The following HHAT variants were observed in gnomAD, a reference collection of about 807,000 sequenced individuals.
HHAT encodes hedgehog acyltransferase.
In HHAT, 47 loss-of-function variants were observed where a neutral mutation model predicts 70.8. The observed-to-expected ratio is 0.66, with a 90% confidence interval of 0.53 to 0.85. The LOEUF (loss-of-function observed/expected upper bound fraction) is 0.85, where lower values mean the gene tolerates loss of function less well. Ranked by LOEUF, HHAT falls within the 40% of genes least tolerant of loss-of-function variation. HHAT has a pLI of 0.00. For missense variants in HHAT, 609 were observed against 604.8 expected (o/e 1.01, Z -0.07); for synonymous variants, 228 against 247.6 (o/e 0.92, Z 0.74).
At chr1:210,615,732 G>A (rs1667562303) in intron 10 of HHAT, among the ~76,000 whole-genome samples, 1 of 152,270 alleles carries the variant, frequency 6.6e-6, no homozygotes, top group Non-Finnish European at 1.5e-5. Context: ...GGTATCAGCA[G>A]TGGAGGCTGC....
intron 8 of HHAT, among the ~76,000 whole-genome samples, chr1:210,470,233 G>C (rs1297593197): frequency 6.6e-6 from 1 of 152,152 alleles, no homozygotes; most frequent in Non-Finnish European, 1.5e-5. Context: ...GAAGAGGTGA[G>C]TGACAAAAGG....
chr1:210,650,384 C>T (rs1396660171), intron 11 of HHAT, among the ~76,000 whole-genome samples: 1 of 152,166 alleles, frequency 6.6e-6, no homozygotes, highest in African/African-American at 2.4e-5. Flanking sequence ...AAACTGGCCC[C>T]AACTGTGGAG....
intron 3 of HHAT, among the ~76,000 whole-genome samples, chr1:210,384,252 C>T (rs560663965): frequency 3.9e-5 from 6 of 152,262 alleles, no homozygotes; most frequent in South Asian, 2.1e-4. Context: ...CAGTGAATTC[C>T]GAAGTCTGGG....
chr1:210,403,176 C>G (rs528132635), intron 5 of HHAT, among the ~76,000 whole-genome samples: 3 of 152,080 alleles, frequency 2.0e-5, no homozygotes, highest in African/African-American at 7.2e-5. Context: ...ATTTTAAGCA[C>G]GTATGTCAAA....
rs779948186 is a variant in HHAT at position 210,464,564 on chromosome 1, G to T, written c.916G>T (p.Val306Leu). Residue 306 changes from valine to leucine, a missense_variant, in exon 8 of 12, where the codon GTG becomes TTG. By Grantham distance (32) the Val-to-Leu change is conservative. Transcript: ENST00000261458. ...CGTGAAGTACTTGGTGCTCTTTGGC[G>T]TGCCTGCTCTGCTCATGCGCCTGGA... Reference protein sequence around the residue: ...FYVKYLVLFGVPALLMRLDGL... With the variant: ...FYVKYLVLFGLPALLMRLDGL... The T allele has an allele frequency of 6.2e-7, 1 of 1,614,108 alleles. No homozygotes were observed.
chr1:210,448,241 C>T (rs2093675146), intron 7 of HHAT, among the ~76,000 whole-genome samples: 1 of 151,942 alleles, frequency 6.6e-6, no homozygotes, highest in Non-Finnish European at 1.5e-5. Flanking sequence ...GCCACCATGC[C>T]TGGCTAATTT....
At chr1:210,504,038 C>G (rs2094808291) in intron 8 of HHAT, among the ~76,000 whole-genome samples, 1 of 152,080 alleles carries the variant, frequency 6.6e-6, no homozygotes, top group Non-Finnish European at 1.5e-5. Context: ...TTTTGAAATT[C>G]AAAACTTTTG....
intron 1 of HHAT, among the ~76,000 whole-genome samples, chr1:210,334,993 G>A (rs959931955): frequency 6.6e-6 from 1 of 152,044 alleles, no homozygotes; most frequent in Non-Finnish European, 1.5e-5. Context: ...CTTTACTAGT[G>A]AAACTTCCAA....
intron 2 of HHAT, among the ~76,000 whole-genome samples, chr1:210,358,317 T>A (rs1448518338): frequency 6.6e-6 from 1 of 152,240 alleles, no homozygotes; most frequent in East Asian, 1.9e-4. Context: ...ACTCAGAATT[T>A]CTCAGGTGAG....
intron 2 of HHAT, among the ~76,000 whole-genome samples, chr1:210,361,954 T>G (rs2088371128): frequency 1.3e-5 from 2 of 152,182 alleles, no homozygotes; most frequent in South Asian, 2.1e-4. Flanking sequence ...TTTCTTATTC[T>G]GTGTTTGTCT....
rs2093951222 is a variant in HHAT, at chr1:210,460,190, C to A, written c.857-4315C>A. Among the ~76,000 whole-genome samples, 5 of 152,312 alleles carry A rather than the reference C, an allele frequency of 3.3e-5. No individual in the cohort carries two copies. The South Asian group carries it at 8.3e-4, about 25-fold the overall frequency. ...CTTTGGAATTAGGACAGCATCACTT[C>A]TTCTATATCTATTGGTCCTAGGACC... is the stretch of plus-strand genomic sequence containing the variant. On this transcript the variant is annotated intron_variant, in intron 7 of 11. Transcript: ENST00000261458.
At chr1:210,447,297 T>C (rs1039720052) in intron 7 of HHAT, among the ~76,000 whole-genome samples, 1 of 152,186 alleles carries the variant, frequency 6.6e-6, no homozygotes, top group Non-Finnish European at 1.5e-5. Flanking sequence ...CAAATGGACA[T>C]TATCTCTACT....
At chr1:210,398,743 C>T (rs1175074320) in intron 4 of HHAT, among the ~76,000 whole-genome samples, 1 of 152,070 alleles carries the variant, frequency 6.6e-6, no homozygotes, top group Non-Finnish European at 1.5e-5. Context: ...GAAAAGAAGC[C>T]CCTTTTTTTC....
At chr1:210,419,023 ACT>A (rs71660256) in intron 7 of HHAT, among the ~76,000 whole-genome samples, 16,750 of 151,850 alleles carry the variant, frequency 0.11, 1,163 homozygotes, top group East Asian at 0.22. Flanking sequence ...ACAAAGCATG[ACT>A]CTGTCTCAAA....
intron 10 of HHAT, among the ~76,000 whole-genome samples, chr1:210,613,545 A>G (rs578133040): frequency 2.0e-5 from 3 of 152,246 alleles, no homozygotes; most frequent in African/African-American, 7.2e-5. Context: ...AAAATCAGGA[A>G]GTTTGTGTCC....
intron 8 of HHAT, among the ~76,000 whole-genome samples, chr1:210,483,131 A>G (rs1035075859): frequency 2.0e-5 from 3 of 152,178 alleles, no homozygotes; most frequent in Non-Finnish European, 2.9e-5. Flanking sequence ...TAATAGCACT[A>G]TCTTCTGTTT....
chr1:210,579,810 C>T (rs1056467538), intron 9 of HHAT, among the ~76,000 whole-genome samples: 11 of 152,152 alleles, frequency 7.2e-5, no homozygotes, highest in Admixed American at 2.0e-4. Context: ...CAGACTCTCT[C>T]AGCCTCTCTT....
intron 9 of HHAT, among the ~76,000 whole-genome samples, chr1:210,525,758 A>C (rs1011270062): frequency 2.6e-5 from 4 of 152,210 alleles, no homozygotes; most frequent in African/African-American, 9.6e-5. Flanking sequence ...AAAAAATTAA[A>C]AAGAGCCCCT....
chr1:210,365,326 T>TTTTTTG (rs1293932748), intron 3 of HHAT, among the ~76,000 whole-genome samples: 1 of 138,410 alleles, frequency 7.2e-6, no homozygotes, highest in Non-Finnish European at 1.5e-5. Context: ...TTTTTTTTTT[T>TTTTTTG]TTTTTTTTGA....
Sources: allele counts gnomAD v4.1 joint callset (sites outside exome capture counted in the v4.1 genomes callset), GRCh38; gene constraint gnomAD v4.1.1; transcripts MANE v1.5; gene names NCBI Gene and HGNC (gene_info 2026-07-23, HGNC 2026-07-21).